The following HINFP variants were observed in gnomAD, a reference collection of about 807,000 sequenced individuals.
HINFP encodes the protein MBD2 (methyl-CpG-binding protein)-interacting zinc finger protein.
HINFP carries 20 observed loss-of-function variants against 50.1 expected under a neutral mutation model. That is an observed-to-expected ratio of 0.40 (90% CI 0.28 to 0.58). HINFP has a LOEUF of 0.58. Ranked by LOEUF, HINFP falls within the 20% of genes least tolerant of loss-of-function variation. HINFP has a pLI of 0.45. For synonymous variants in HINFP, 247 were observed against 243.7 expected, an observed-to-expected ratio of 1.01 and a Z score of -0.13; for missense variants, 505 against 664.1, an observed-to-expected ratio of 0.76 and a Z score of 2.63.
chr11:119,132,423 T>C, intron 5 of HINFP, 73 bp from the exon 6 acceptor site: 1 of 1,494,486 alleles, frequency 6.7e-7, no homozygotes, highest in Non-Finnish European at 9.3e-7. Flanking sequence ...CTGCCTGGGA[T>C]GGTTCCCCTC....
chr11:119,132,597 C>T (rs575227348), intron 6 of HINFP, 24 bp downstream of exon 6: 1 of 1,614,126 alleles, frequency 6.2e-7, no homozygotes, highest in African/African-American at 1.3e-5. Context: ...GGCCCACAGC[C>T]TCCCTCCTGC....
In HINFP at chr11:119,132,694, CCTGCCCG is replaced by C; in HGVS notation, c.794_800del (p.Pro265LeufsTer133). ...TATAAGTGCCCTCTGTGTGACATGA[CCTGCCCG>C]CTGCCTTCCTCCCTCCGCAACCACA... is the stretch of plus-strand genomic sequence containing the variant. On this transcript the variant is annotated frameshift_variant, in exon 7 of 10. Coordinates refer to ENST00000350777, the MANE Select transcript of HINFP (RefSeq NM_198971.3). LOFTEE classifies it high-confidence loss of function. The C allele has an allele frequency of 6.2e-7, 1 of 1,614,046 alleles. No individual in the cohort carries two copies. The highest frequency in any genetic ancestry group is 8.5e-7 in the Non-Finnish European group (1 of 1,180,042).
chr11:119,130,648 C>G (rs1947699144), intron 2 of HINFP, 77 bp from the exon 3 acceptor site: 2 of 1,303,116 alleles, frequency 1.5e-6, no homozygotes, highest in South Asian at 1.3e-5. Context: ...TCCTCACTCT[C>G]TGTTTAGTGC....
rs1466835634 is a variant in HINFP at position 119,134,021 on chromosome 11, G to C, written c.1140-63G>C. 1 of 1,608,946 alleles carries C rather than the reference G, an allele frequency of 6.2e-7. No homozygotes were observed. The highest frequency in any genetic ancestry group is 1.1e-5 in the South Asian group (1 of 90,932). On this transcript the variant is annotated intron_variant, in intron 9 of 9. Coordinates refer to ENST00000350777, the MANE Select transcript of HINFP (RefSeq NM_198971.3). The surrounding 1 kb of genome is among the most constrained non-coding windows in gnomAD (Gnocchi z 4.3). Reference sequence around the variant, plus strand: ...CTCATGTTTGTTCCTTACTTTGCCAGCCTCGGCCATTTCTGTATCCCCCTG... The same window carrying C: ...CTCATGTTTGTTCCTTACTTTGCCACCCTCGGCCATTTCTGTATCCCCCTG...
In HINFP at chr11:119,134,220, G is replaced by C. The variant is rs1188308601; in HGVS notation, c.1276G>C (p.Gly426Arg). ...GTCGCTGAACGAGAGCAGCCTGCAG[G>C]GCATTATTCTAGAAACAGTGCCAGG... ...GTSLNESSLQ[G>R]IILETVPGEP... is the part of the protein sequence containing the mutation. Residue 426 changes from glycine to arginine, a missense_variant, in exon 10 of 10, where the codon GGC becomes CGC. Coordinates refer to ENST00000350777, the MANE Select transcript of HINFP (RefSeq NM_198971.3). This position sits in a 1 kb window ranked among gnomAD's most constrained non-coding sequence, Gnocchi z 4.3. 6.2e-7 allele frequency: 1 copy of C among 1,614,086 alleles called. No individual in the cohort carries two copies. Among genetic ancestry groups the C allele is most frequent in the African/African-American group, 1.3e-5 (1 of 74,934 alleles).
In HINFP at chr11:119,131,993, A is replaced by G. The variant is rs1476454556; in HGVS notation, c.676+11A>G. ...AGACCTCATTGGATCGTAAGTAGTCAGAGGAAGTGGGGTGGATGCAGGCTG... is the reference window on the plus strand; with the variant it reads ...AGACCTCATTGGATCGTAAGTAGTCGGAGGAAGTGGGGTGGATGCAGGCTG... On this transcript the variant is annotated intron_variant, in intron 5 of 9. Coordinates refer to ENST00000350777, the MANE Select transcript of HINFP (RefSeq NM_198971.3). The surrounding 1 kb of genome is among the most constrained non-coding windows in gnomAD (Gnocchi z 4.2). 1.9e-6 allele frequency: 3 copies of G among 1,613,750 alleles called. No individual in the cohort carries two copies. Among genetic ancestry groups the G allele is most frequent in the Non-Finnish European group, 1.7e-6 (2 of 1,179,946 alleles).
chr11:119,132,114 TC>T, intron 5 of HINFP, 132 bp downstream of exon 5: 1 of 885,972 alleles, frequency 1.1e-6, no homozygotes, highest in Non-Finnish European at 1.8e-6. Context: ...CTCAGGCACC[TC>T]CCATAGTCTC....
Position 119,134,543 on chromosome 11 carries a change from A to G in HINFP, c.*45A>G. 1 of 1,480,390 alleles carries G rather than the reference A, an allele frequency of 6.8e-7. No individual in the cohort carries two copies. 91.7% of individuals were successfully genotyped at this position (1,480,390 alleles called of 1,614,324 possible). A position where few individuals can be genotyped will look rare whatever the true frequency, so the allele number is the denominator to read the frequency against. On this transcript the variant is annotated 3_prime_UTR_variant, in exon 10 of 10. Coordinates refer to ENST00000350777, the MANE Select transcript of HINFP (RefSeq NM_198971.3). This position sits in a 1 kb window ranked among gnomAD's most constrained non-coding sequence, Gnocchi z 4.3. The stretch of plus-strand genomic sequence containing the variant: ...TTTCTTCCCCAGGTCCTGAAGTTTG[A>G]GCCAGGCAAGTGGCAGTGCCCCTAG...
Position 119,131,515 on chromosome 11 carries a change from C to T in HINFP, c.412-20C>T, listed in dbSNP as rs1206518344. On this transcript the variant is annotated intron_variant, in intron 3 of 9. Coordinates refer to ENST00000350777, the MANE Select transcript of HINFP (RefSeq NM_198971.3). The surrounding 1 kb of genome is among the most constrained non-coding windows in gnomAD (Gnocchi z 4.2). Reference sequence around the variant, plus strand: ...CCTCTACCCACCCTCAGTCCTCACCCCAAGTTGCCCCTGGCACAGAATTCC... The same window carrying T: ...CCTCTACCCACCCTCAGTCCTCACCTCAAGTTGCCCCTGGCACAGAATTCC... 1 of 1,578,898 alleles carries T rather than the reference C, an allele frequency of 6.3e-7. No individual in the cohort carries two copies. The highest frequency in any genetic ancestry group is 1.7e-5 in the Admixed American group (1 of 59,972).
In HINFP at chr11:119,128,409, G is replaced by A. The variant is rs144384254; in HGVS notation, c.181+1284G>A. Reference sequence around the variant, plus strand: ...CAACCTCTGCCTCCTCGGTTCAAGCGATTCTTCTGCCTCAGCCTCCCGAGT... The same window carrying A: ...CAACCTCTGCCTCCTCGGTTCAAGCAATTCTTCTGCCTCAGCCTCCCGAGT... On this transcript the variant is annotated intron_variant, in intron 2 of 9. Transcript: ENST00000350777. Among the ~76,000 whole-genome samples, 845 of 151,540 alleles carry A rather than the reference G, an allele frequency of 5.6e-3. 10 individuals carry two copies. Among genetic ancestry groups the A allele is most frequent in the African/African-American group, 0.018 (736 of 41,284 alleles).
At position 119,123,506 on chromosome 11, in the gene HINFP, C is replaced by G. The variant is rs60797962; in HGVS notation, c.-11+1867C>G. ...TGAAGCTTTTTTCTACTTTTCTTAC[C>G]ACAACATTATAAAAGCAGTCAATAT... is the stretch of plus-strand genomic sequence containing the variant. On this transcript the variant is annotated intron_variant, in intron 1 of 9. Transcript: ENST00000350777. 3.3e-3 allele frequency among the ~76,000 whole-genome samples: 507 copies of G among 151,780 alleles called. 2 individuals carry two copies. Among genetic ancestry groups the G allele is most frequent in the African/African-American group, 0.01 (434 of 41,436 alleles).
At position 119,126,962 on chromosome 11, in the gene HINFP, A is replaced by C. The variant is rs1329269655; in HGVS notation, c.18A>C (p.Lys6Asn). Reference sequence around the variant, plus strand: ...TGAAGGCCATGCCGCCTCCTGGGAAAGTTCCCCGAAAGGAGAATCTGTGGC... The same window carrying C: ...TGAAGGCCATGCCGCCTCCTGGGAACGTTCCCCGAAAGGAGAATCTGTGGC... MPPPG[K>N]VPRKENLWLQ... is the part of the protein sequence containing the mutation. Residue 6 changes from lysine to asparagine, a missense_variant, in exon 2 of 10, where the codon AAA becomes AAC. Lys to Asn is a moderately conservative substitution (Grantham distance 94). Coordinates refer to ENST00000350777, the MANE Select transcript of HINFP (RefSeq NM_198971.3). The C allele has an allele frequency of 6.2e-7, 1 of 1,613,248 alleles. No homozygotes were observed. The highest frequency in any genetic ancestry group is 1.7e-5 in the Admixed American group (1 of 59,870).
intron 2 of HINFP, chr11:119,130,015 T>C (rs1243410853): frequency 6.6e-6 from 1 of 152,214 alleles, no homozygotes; most frequent in Non-Finnish European, 1.5e-5. Context: ...TTAACTTATA[T>C]AAAGCGCTGA....
At position 119,131,208 on chromosome 11, in the gene HINFP, C is replaced by T. The variant is rs1012850123; in HGVS notation, c.411+254C>T. 4 of 649,108 alleles carry T rather than the reference C, an allele frequency of 6.2e-6. No homozygotes were observed. In the African/African-American group the frequency reaches 7.1e-5, roughly 12 times the overall value. The allele number at this position is 649,108 out of a possible 1,614,324, so 40.2% of individuals were successfully genotyped here. ...GGCTCAAGCAATCCTCCCACCTCAG[C>T]CTCCCAAGTAGCTAGGACTACAGGC... is the stretch of plus-strand genomic sequence containing the variant. On this transcript the variant is annotated intron_variant, in intron 3 of 9. Transcript: ENST00000350777. This position sits in a 1 kb window ranked among gnomAD's most constrained non-coding sequence, Gnocchi z 4.2.
chr11:119,131,705 G>A lies in HINFP; in HGVS notation c.523+59G>A. On this transcript the variant is annotated intron_variant, in intron 4 of 9. Transcript: ENST00000350777. This position sits in a 1 kb window ranked among gnomAD's most constrained non-coding sequence, Gnocchi z 4.2. ...GAAACGCTGGGGTTCCTGAAGAGCT[G>A]GGACAGAAAGGGATAGGGGTCCTAC... 6.3e-6 allele frequency: 10 copies of A among 1,583,418 alleles called. No homozygotes were observed. Among genetic ancestry groups the A allele is most frequent in the Non-Finnish European group, 8.7e-6 (10 of 1,152,678 alleles).
intron 2 of HINFP, chr11:119,130,471 A>C (rs955117914): frequency 1.2e-5 from 6 of 488,376 alleles, no homozygotes; most frequent in African/African-American, 5.8e-5. Flanking sequence ...TTATTTGATG[A>C]ATATGCTTTC....
At chr11:119,124,372 A>G (rs1051245661) in intron 1 of HINFP, 4 of 152,100 alleles carry the variant, frequency 2.6e-5, no homozygotes, top group African/African-American at 9.7e-5. Context: ...TGTCTCAGGT[A>G]GGCCAGAGAG....
chr11:119,133,659 C>T (rs1049506378), intron 9 of HINFP: 1 of 228,424 alleles, frequency 4.4e-6, no homozygotes. Flanking sequence ...TCAAAGAATC[C>T]TAAGAATAAT....
At chr11:119,132,005 G>A (rs1947789082) in intron 5 of HINFP, 23 bp downstream of exon 5, 1 of 1,613,166 alleles carries the variant, frequency 6.2e-7, no homozygotes, top group South Asian at 1.1e-5. Context: ...AGGAAGTGGG[G>A]TGGATGCAGG....
Sources: allele counts gnomAD v4.1 joint callset (sites outside exome capture counted in the v4.1 genomes callset), GRCh38; gene constraint gnomAD v4.1.1; non-coding constraint Gnocchi (gnomAD v3.1); transcripts MANE v1.5; gene names NCBI Gene and HGNC (gene_info 2026-07-23, HGNC 2026-07-21).